Variants in SPATA6 observed in about 807,000 individuals in gnomAD.
The protein encoded by SPATA6 is spermatogenesis associated 6, also known as spermatogenesis-associated protein 6.
In SPATA6, 56 loss-of-function variants were observed where a neutral mutation model predicts 65.3. That is an observed-to-expected ratio of 0.86 (90% CI 0.69 to 1.07). The LOEUF (loss-of-function observed/expected upper bound fraction) is 1.07, where lower values mean the gene tolerates loss of function less well. Among genes scored for constraint, SPATA6 ranks in the 50% least tolerant of loss-of-function variants. The probability of loss-of-function intolerance (pLI) is 0.00; values close to 1 mark genes in which losing one functional copy is unlikely to be tolerated. For synonymous variants in SPATA6, 199 were observed against 213.2 expected, an observed-to-expected ratio of 0.93 and a Z score of 0.58; for missense variants, 590 against 594.8, an observed-to-expected ratio of 0.99 and a Z score of 0.08.
intron 11 of SPATA6, among the ~76,000 whole-genome samples, chr1:48,322,219 T>C (rs999385001): frequency 2.0e-5 from 3 of 151,718 alleles, no homozygotes; most frequent in African/African-American, 7.3e-5. Flanking sequence ...AATAAAACAA[T>C]ACAAAAGATG....
chr1:48,352,369 C>G (rs774690377), intron 11 of SPATA6, among the ~76,000 whole-genome samples: 76 of 151,996 alleles, frequency 5.0e-4, no homozygotes, highest in Non-Finnish European at 1.0e-3. Context: ...TTGTATTTTT[C>G]CAGGATTTGG....
the SPATA6 span, among the ~76,000 whole-genome samples, chr1:48,264,956 A>G: frequency 2.6e-5 from 4 of 152,252 alleles, no homozygotes; most frequent in African/African-American, 9.6e-5. Flanking sequence ...GTCTTCTACA[A>G]TGGTTGAACT....
chr1:48,263,384 C>T, the SPATA6 span, among the ~76,000 whole-genome samples: 1 of 152,044 alleles, frequency 6.6e-6, no homozygotes, highest in Non-Finnish European at 1.5e-5. Context: ...AATAGCTTTC[C>T]TTACAAGGTT....
chr1:48,395,272 T>A lies in SPATA6; in HGVS notation c.863A>T (p.His288Leu), dbSNP rs1450823983. The change falls in exon 8 of 13, where the codon CAC (histidine) becomes CTC (leucine). Residue 288 changes from histidine (H) to leucine (L), a missense_variant. Transcript: ENST00000371847. ...DCERDGWSRV[H>L]NDHSHLGCCR... is the part of the protein sequence containing the mutation. ...AAAGACAACTTCTAGCTTACCATTG[T>A]GCACCCTTGACCATCCATCTCTTTC... 6.4e-7 allele frequency: 1 copy of A among 1,559,364 alleles called. No individual in the cohort carries two copies. Among genetic ancestry groups the A allele is most frequent in the Non-Finnish European group, 8.7e-7 (1 of 1,149,860 alleles).
chr1:48,466,774 C>T (rs1657840698), intron 1 of SPATA6, among the ~76,000 whole-genome samples: 1 of 151,872 alleles, frequency 6.6e-6, no homozygotes, highest in Non-Finnish European at 1.5e-5. Flanking sequence ...CTACAGTAAC[C>T]TGGATAAGGA....
chr1:48,325,479 T>A, intron 11 of SPATA6: 1 of 1,187,882 alleles, frequency 8.4e-7, no homozygotes, highest in Non-Finnish European at 1.3e-6. Flanking sequence ...AACTGAGGGA[T>A]CCACATTCTC....
At chr1:48,445,381 T>A (rs1570601105) in intron 3 of SPATA6, among the ~76,000 whole-genome samples, 1 of 152,206 alleles carries the variant, frequency 6.6e-6, no homozygotes, top group African/African-American at 2.4e-5. Flanking sequence ...AGCTAACACA[T>A]GGCTGGGCGT....
chr1:48,330,048 TA>T (rs1400621846), intron 11 of SPATA6, among the ~76,000 whole-genome samples: 1 of 152,200 alleles, frequency 6.6e-6, no homozygotes, highest in African/African-American at 2.4e-5. Flanking sequence ...TGCAGTCAGC[TA>T]CGGTGCCAGG....
At position 48,305,794 on chromosome 1, in the gene SPATA6, C is replaced by T. The variant is rs755315175; in HGVS notation, c.1279G>A (p.Glu427Lys). 7 of 1,609,106 alleles carry T rather than the reference C, an allele frequency of 4.4e-6. No individual in the cohort carries two copies. In the East Asian group the frequency reaches 6.7e-5, roughly 15 times the overall value. Residue 427 changes from glutamate to lysine, a missense_variant, in exon 12 of 13, where the codon GAG becomes AAG. By Grantham distance (56) the Glu-to-Lys change is moderately conservative (BLOSUM62 1). Transcript: ENST00000371847. ...CATATATTTCATTCATACCTATACT[C>T]GGGGTCACTGTCATAGGCAGAGTCT... Reference protein sequence around the residue: ...CRDSAYDSDPEYSSCQQPRGT... With the variant: ...CRDSAYDSDPKYSSCQQPRGT...
chr1:48,261,901 A>G, the SPATA6 span, among the ~76,000 whole-genome samples: 1 of 152,102 alleles, frequency 6.6e-6, no homozygotes, highest in African/African-American at 2.4e-5. Context: ...GAAAGGCCAC[A>G]TCCTTTAGAA....
the SPATA6 span, among the ~76,000 whole-genome samples, chr1:48,266,120 C>T: frequency 6.0e-4 from 91 of 152,176 alleles, 1 homozygote; most frequent in South Asian, 0.018. Context: ...GTGAACTAAC[C>T]AACAGGGACA....
At chr1:48,314,333 C>T (rs565441689) in intron 11 of SPATA6, among the ~76,000 whole-genome samples, 2 of 152,098 alleles carry the variant, frequency 1.3e-5, no homozygotes, top group Non-Finnish European at 2.9e-5. Flanking sequence ...GAAATTATAA[C>T]AAACTGTCTC....
chr1:48,413,317 G>T (rs1304437240), intron 3 of SPATA6, among the ~76,000 whole-genome samples, 166 bp from the exon 4 acceptor site: 1 of 150,112 alleles, frequency 6.7e-6, no homozygotes, highest in African/African-American at 2.4e-5. Context: ...TTGAGACAGG[G>T]TCTCACTCTG....
At chr1:48,432,618 C>T (rs146886836) in intron 3 of SPATA6, among the ~76,000 whole-genome samples, 1 of 152,162 alleles carries the variant, frequency 6.6e-6, no homozygotes, top group Non-Finnish European at 1.5e-5. Flanking sequence ...GCTATCAAAA[C>T]AACAGAAAAC....
At position 48,359,744 on chromosome 1, in the gene SPATA6, G is replaced by C. The variant is rs779210049; in HGVS notation, c.936C>G (p.Asp312Glu). The C allele has an allele frequency of 1.1e-5, 18 of 1,612,850 alleles. No individual in the cohort carries two copies. Among genetic ancestry groups the C allele is most frequent in the Non-Finnish European group, 1.4e-5 (16 of 1,179,532 alleles). Residue 312 changes from aspartate to glutamate, a missense_variant, in exon 10 of 13, where the codon GAC (aspartate) becomes GAG (glutamate). Physicochemically the swap from Asp to Glu is conservative, Grantham distance 45. Transcript: ENST00000371847. ...CACATTTTTCTAAAGAGTCATCGAA[G>C]TCTCTCCCATGGGGTGTCCTGATAA... ...YKVIRTPHGRDFDDSLEKCEE... is the reference protein window; with the variant it reads ...YKVIRTPHGREFDDSLEKCEE...
intron 11 of SPATA6, among the ~76,000 whole-genome samples, chr1:48,320,870 G>A (rs1011699801): frequency 2.6e-5 from 4 of 152,118 alleles, no homozygotes; most frequent in Non-Finnish European, 5.9e-5. Context: ...AAAGAGGGGA[G>A]ATGAAATTAA....
At chr1:48,326,578 C>CAAATCTGGA (rs1557566956) in intron 11 of SPATA6, among the ~76,000 whole-genome samples, 1 of 146,004 alleles carries the variant, frequency 6.8e-6, no homozygotes. Context: ...GTAAAAAGGA[C>CAAATCTGGA]AAATCTGGAA....
chr1:48,406,712 C>T (rs1651744320), intron 5 of SPATA6, among the ~76,000 whole-genome samples: 1 of 152,182 alleles, frequency 6.6e-6, no homozygotes, highest in African/African-American at 2.4e-5. Flanking sequence ...TCACAGCTAT[C>T]ATCATATCAC....
Sources: gnomAD v4.1 joint callset for allele counts (sites outside exome capture counted in the v4.1 genomes callset) on GRCh38, gnomAD v4.1.1 for gene constraint, MANE v1.5 for transcripts, NCBI Gene and HGNC (gene_info 2026-07-23, HGNC 2026-07-21) for gene names.